The following MAPK8 variants were observed in gnomAD, a reference collection of about 807,000 sequenced individuals.
MAPK8 encodes mitogen-activated protein kinase 8, also known as JUN N-terminal kinase.
Under a neutral mutation model 52.9 loss-of-function variants are expected in MAPK8, and 13 were observed. The observed-to-expected ratio is 0.25, with a 90% confidence interval of 0.16 to 0.39. The LOEUF is 0.39. MAPK8 is among the 10% of genes least tolerant of loss of function. The pLI, the probability that MAPK8 is intolerant of heterozygous loss-of-function variation, is 1.00. For synonymous variants in MAPK8, 191 were observed against 169.8 expected (o/e 1.12, Z -0.97); for missense variants, 300 against 519.2 (o/e 0.58, Z 4.10).
intron 6 of MAPK8, among the ~76,000 whole-genome samples, chr10:48,422,006 CTTATTTATTTATTTATTTAT>C (rs199974312): frequency 2.1e-5 from 3 of 143,882 alleles, no homozygotes; most frequent in Admixed American, 7.0e-5. Flanking sequence ...TTTTATTTAT[CTTATTTATTTATTTATTTAT>C]TTATTTATTT....
chr10:48,376,564 G>A (rs970569306), intron 1 of MAPK8, among the ~76,000 whole-genome samples: 6 of 152,124 alleles, frequency 3.9e-5, no homozygotes, highest in African/African-American at 1.4e-4. Context: ...CAAAAAGCAG[G>A]CGAAGCATAT....
intron 1 of MAPK8, among the ~76,000 whole-genome samples, chr10:48,353,009 A>C (rs1255526590): frequency 1.3e-5 from 2 of 152,216 alleles, no homozygotes; most frequent in Non-Finnish European, 2.9e-5. Context: ...TTGCTAAAAA[A>C]AAAGTGAAAT....
intron 1 of MAPK8, among the ~76,000 whole-genome samples, chr10:48,357,784 G>A (rs1370143120): frequency 6.6e-6 from 1 of 152,032 alleles, no homozygotes; most frequent in African/African-American, 2.4e-5. Context: ...TTGTGCATCC[G>A]TCACCACTGT....
intron 1 of MAPK8, among the ~76,000 whole-genome samples, chr10:48,328,705 GTA>G (rs1486616167): frequency 6.6e-6 from 1 of 152,134 alleles, no homozygotes; most frequent in Non-Finnish European, 1.5e-5. Flanking sequence ...GTTGATGCTA[GTA>G]TTTAATGTCT....
intron 1 of MAPK8, among the ~76,000 whole-genome samples, chr10:48,335,763 C>T (rs569672942): frequency 6.6e-6 from 1 of 152,310 alleles, no homozygotes; most frequent in East Asian, 1.9e-4. Flanking sequence ...CTTATGTATA[C>T]TTCCCATTTC....
chr10:48,424,729 A>G (rs1199271782), intron 7 of MAPK8: 3 of 480,910 alleles, frequency 6.2e-6, no homozygotes, highest in Non-Finnish European at 3.7e-6. Context: ...TTTGACATAG[A>G]CTTTTCCTTC....
intron 1 of MAPK8, among the ~76,000 whole-genome samples, chr10:48,347,460 CA>C (rs1845898659): frequency 6.6e-6 from 1 of 152,142 alleles, no homozygotes; most frequent in South Asian, 2.1e-4. Context: ...AGGTTTGTTA[CA>C]TAGGTATACA....
intron 5 of MAPK8, among the ~76,000 whole-genome samples, chr10:48,417,161 G>T (rs61838698): frequency 0.044 from 6,663 of 152,286 alleles, 169 homozygotes; most frequent in African/African-American, 0.066. Context: ...TGTGAATTGA[G>T]AACTCCTGTT....
At chr10:48,370,369 C>T (rs1435212397) in intron 1 of MAPK8, among the ~76,000 whole-genome samples, 2 of 151,884 alleles carry the variant, frequency 1.3e-5, no homozygotes, top group Non-Finnish European at 1.5e-5. Flanking sequence ...GAAAGCAGCA[C>T]CAGTATACAT....
intron 3 of MAPK8, among the ~76,000 whole-genome samples, chr10:48,405,467 G>T (rs1438265161): frequency 2.0e-5 from 3 of 152,138 alleles, no homozygotes; most frequent in Non-Finnish European, 4.4e-5. Flanking sequence ...TTATGATGAG[G>T]ATAGTGGGTT....
rs1001226024 is a variant in MAPK8, at chr10:48,414,935, A to G, written c.450+4767A>G. Among the ~76,000 whole-genome samples the G allele has an allele frequency of 4.9e-4, 74 of 152,110 alleles. 1 individual carries two copies. The highest frequency in any genetic ancestry group is 1.7e-3 in the African/African-American group (71 of 41,432). On this transcript the variant is annotated intron_variant, in intron 5 of 11. Coordinates refer to ENST00000374189, the MANE Select transcript of MAPK8 (RefSeq NM_001323329.2). The stretch of plus-strand genomic sequence containing the variant: ...TGGAATTACATCTTCCTTCTGAGTC[A>G]TCTGCGTCAAATAACCTTACTCATG...
chr10:48,426,825 G>A (rs17010455), intron 9 of MAPK8: 18,439 of 479,164 alleles, frequency 0.038, 433 homozygotes, highest in African/African-American at 0.065. Flanking sequence ...ACAGAATTCT[G>A]TGATCTGTGA....
At chr10:48,411,873 C>G (rs1302200665) in intron 5 of MAPK8, among the ~76,000 whole-genome samples, 2 of 146,690 alleles carry the variant, frequency 1.4e-5, no homozygotes, top group African/African-American at 2.5e-5. Context: ...CCCTCCCCTC[C>G]CCTCCCCTCC....
At chr10:48,347,322 A>G (rs1845884296) in intron 1 of MAPK8, among the ~76,000 whole-genome samples, 1 of 152,270 alleles carries the variant, frequency 6.6e-6, no homozygotes, top group South Asian at 2.1e-4. Flanking sequence ...AAGAAGCAGG[A>G]AAGTGTCAGC....
chr10:48,340,180 G>A (rs61838668), intron 1 of MAPK8, among the ~76,000 whole-genome samples: 2 of 152,142 alleles, frequency 1.3e-5, no homozygotes, highest in African/African-American at 2.4e-5. Context: ...TTAGATAAAA[G>A]AAAATGTGGT....
chr10:48,318,901 T>G (rs1842741690), intron 1 of MAPK8, among the ~76,000 whole-genome samples: 1 of 152,026 alleles, frequency 6.6e-6, no homozygotes, highest in Non-Finnish European at 1.5e-5. Flanking sequence ...GTAAAGGAAT[T>G]AGGAGGATGA....
chr10:48,332,952 C>T (rs890444501), intron 1 of MAPK8, among the ~76,000 whole-genome samples: 1 of 152,156 alleles, frequency 6.6e-6, no homozygotes, highest in Admixed American at 6.5e-5. Context: ...GGCTAACCAG[C>T]AATTAGGTAA....
intron 1 of MAPK8, among the ~76,000 whole-genome samples, chr10:48,399,050 T>C (rs1181888425): frequency 6.6e-6 from 1 of 152,224 alleles, no homozygotes; most frequent in East Asian, 1.9e-4. Flanking sequence ...TCTCCCTGTC[T>C]GGTTGACTCA....
chr10:48,327,751 C>G (rs1294205506), intron 1 of MAPK8, among the ~76,000 whole-genome samples: 1 of 152,124 alleles, frequency 6.6e-6, no homozygotes, highest in Non-Finnish European at 1.5e-5. Flanking sequence ...ACTGTTGATT[C>G]AATTTTCTAA....
Sources: allele counts gnomAD v4.1 joint callset (sites outside exome capture counted in the v4.1 genomes callset), GRCh38; gene constraint gnomAD v4.1.1; transcripts MANE v1.5; gene names NCBI Gene and HGNC (gene_info 2026-07-23, HGNC 2026-07-21).